VWA3B: variants seen among roughly 807,000 people sequenced by gnomAD.
VWA3B encodes von Willebrand factor A domain containing 3B, also known as von Willebrand factor A domain-containing protein 3B.
Under a neutral mutation model 158.3 loss-of-function variants are expected in VWA3B, and 138 were observed. The ratio of observed to expected loss-of-function variants is 0.87; its 90% CI spans 0.76 to 1.00. The LOEUF (loss-of-function observed/expected upper bound fraction) is 1.00, where lower values mean the gene tolerates loss of function less well. VWA3B is among the 50% of genes least tolerant of loss of function. The probability of loss-of-function intolerance (pLI) is 0.00; values close to 1 mark genes in which losing one functional copy is unlikely to be tolerated. For synonymous variants in VWA3B, 596 were observed against 587.3 expected (o/e 1.01, Z -0.21); for missense variants, 1,555 against 1,565.1 (o/e 0.99, Z 0.11).
At chr2:98,246,265 T>C (rs1027646931) in intron 19 of VWA3B, among the ~76,000 whole-genome samples, 13 of 152,272 alleles carry the variant, frequency 8.5e-5, no homozygotes, top group African/African-American at 3.1e-4. Context: ...AAATAAAGCA[T>C]TTCAGATAAA....
At chr2:98,269,363 C>T (rs1204702510) in intron 21 of VWA3B, 1 of 152,040 alleles carries the variant, frequency 6.6e-6, no homozygotes, top group Non-Finnish European at 1.5e-5. Context: ...ATCTTGTTCC[C>T]CCTGGTGTCT....
chr2:98,294,771 C>T (rs1441680398), intron 23 of VWA3B, among the ~76,000 whole-genome samples: 1 of 152,180 alleles, frequency 6.6e-6, no homozygotes. Context: ...GTGTGATGAG[C>T]TCAGGTCAAA....
intron 19 of VWA3B, chr2:98,245,435 A>G: frequency 2.5e-6 from 1 of 399,426 alleles, no homozygotes; most frequent in Non-Finnish European, 4.9e-6. Flanking sequence ...ACCATGTTGT[A>G]AAAACTAAGA....
At chr2:98,250,096 T>C (rs1387674090) in intron 19 of VWA3B, among the ~76,000 whole-genome samples, 1 of 152,104 alleles carries the variant, frequency 6.6e-6, no homozygotes, top group East Asian at 1.9e-4. Context: ...TATGTGGTGG[T>C]AGTGATTTCT....
chr2:98,212,322 G>C (rs1683596961), intron 13 of VWA3B, among the ~76,000 whole-genome samples: 1 of 152,192 alleles, frequency 6.6e-6, no homozygotes, highest in Admixed American at 6.5e-5. Flanking sequence ...AGACTGGTTT[G>C]CATTTTATTA....
chr2:98,212,867 C>T (rs1458931738), intron 13 of VWA3B, among the ~76,000 whole-genome samples: 1 of 152,134 alleles, frequency 6.6e-6, no homozygotes, highest in Non-Finnish European at 1.5e-5. Context: ...CATCGTGTCT[C>T]TCTTCTGTTC....
At chr2:98,112,297 TGTGTGG>T (rs1156716972) in intron 2 of VWA3B, among the ~76,000 whole-genome samples, 1 of 151,000 alleles carries the variant, frequency 6.6e-6, no homozygotes, top group African/African-American at 2.4e-5. Context: ...TGTGTGTGTG[TGTGTGG>T]GTGTGTGTGT....
chr2:98,271,645 T>G (rs926930891), intron 22 of VWA3B, among the ~76,000 whole-genome samples: 92 of 152,364 alleles, frequency 6.0e-4, no homozygotes, highest in Admixed American at 6.5e-4. Context: ...GATTCTTCAC[T>G]AAATGTTAAA....
chr2:98,093,581 T>C (rs897855753), intron 2 of VWA3B, among the ~76,000 whole-genome samples: 3 of 152,228 alleles, frequency 2.0e-5, no homozygotes, highest in Non-Finnish European at 4.4e-5. Flanking sequence ...TTTTGAAGAA[T>C]GTATACATTG....
chr2:98,250,727 T>C (rs1018195403), intron 20 of VWA3B, among the ~76,000 whole-genome samples: 17 of 152,064 alleles, frequency 1.1e-4, no homozygotes, highest in Admixed American at 9.8e-4. Context: ...CAATCAACAA[T>C]AATTTATTGT....
chr2:98,192,337 G>T (rs1681660115), intron 10 of VWA3B: 1 of 156,170 alleles, frequency 6.4e-6, no homozygotes, highest in Non-Finnish European at 1.4e-5. Context: ...AGCAAAGGGA[G>T]ATAAGGTTGG....
intron 3 of VWA3B, 73 bp from the exon 4 acceptor site, chr2:98,119,440 C>T (rs536770258): frequency 1.4e-5 from 21 of 1,528,032 alleles, no homozygotes; most frequent in Middle Eastern, 2.4e-4. Context: ...GCACAGTTCT[C>T]GGTGGCAGCA....
At chr2:98,298,428 TATTCTATTCTATTCTATGCC>T (rs760379258) in intron 24 of VWA3B, among the ~76,000 whole-genome samples, 8 of 133,736 alleles carry the variant, frequency 6.0e-5, no homozygotes, top group Non-Finnish European at 1.2e-4. Context: ...TATTCTATTC[TATTCTATTCTATTCTATGCC>T]ATGCCATGCC....
intron 21 of VWA3B, among the ~76,000 whole-genome samples, chr2:98,260,671 G>C (rs1687427525): frequency 6.6e-6 from 1 of 151,640 alleles, no homozygotes; most frequent in African/African-American, 2.4e-5. Context: ...AACTGTCTAT[G>C]CCTCCCTATG....
At chr2:98,297,553 G>A (rs1405265943) in intron 23 of VWA3B, among the ~76,000 whole-genome samples, 1 of 152,134 alleles carries the variant, frequency 6.6e-6, no homozygotes, top group Non-Finnish European at 1.5e-5. Flanking sequence ...AAAAAATAGG[G>A]CTAAAGTAAA....
intron 5 of VWA3B, among the ~76,000 whole-genome samples, chr2:98,126,514 G>A (rs1407858695): frequency 6.6e-6 from 1 of 152,196 alleles, no homozygotes; most frequent in Non-Finnish European, 1.5e-5. Context: ...TAATAGGCCT[G>A]CTAAGTGGAA....
chr2:98,167,550 A>G (rs1178200632), intron 8 of VWA3B, among the ~76,000 whole-genome samples: 2 of 152,180 alleles, frequency 1.3e-5, no homozygotes, highest in Non-Finnish European at 2.9e-5. Context: ...GGAGCCCAGA[A>G]AACATCCTGA....
intron 17 of VWA3B, 106 bp downstream of exon 17, chr2:98,234,873 G>C: frequency 6.8e-7 from 1 of 1,474,862 alleles, no homozygotes; most frequent in Non-Finnish European, 9.1e-7. Flanking sequence ...ATTTTAAATG[G>C]GCCCAGATTG....
chr2:98,132,258 C>A (rs1675931671), intron 6 of VWA3B, among the ~76,000 whole-genome samples: 1 of 152,234 alleles, frequency 6.6e-6, no homozygotes, highest in Non-Finnish European at 1.5e-5. Flanking sequence ...CAAGCGTAAC[C>A]CATCACGAGT....
Sources: allele counts gnomAD v4.1 joint callset (sites outside exome capture counted in the v4.1 genomes callset), GRCh38; gene constraint gnomAD v4.1.1; transcripts MANE v1.5; gene names NCBI Gene and HGNC (gene_info 2026-07-23, HGNC 2026-07-21).